PIGU: variants seen among roughly 807,000 people sequenced by gnomAD.
The protein encoded by PIGU is GPI-anchor transamidase component PIGU.
PIGU carries 24 observed loss-of-function variants against 49.9 expected under a neutral mutation model. The ratio of observed to expected loss-of-function variants is 0.48; its 90% CI spans 0.35 to 0.68. PIGU has a LOEUF of 0.68. Ranked by LOEUF, PIGU falls within the 30% of genes least tolerant of loss-of-function variation. PIGU has a pLI of 0.01. For synonymous variants in PIGU, 220 were observed against 205.7 expected, an observed-to-expected ratio of 1.07 and a Z score of -0.59; for missense variants, 490 against 532.6, an observed-to-expected ratio of 0.92 and a Z score of 0.79.
intron 6 of PIGU, among the ~76,000 whole-genome samples, chr20:34,627,498 T>C (rs887118766): frequency 2.6e-5 from 4 of 152,140 alleles, no homozygotes; most frequent in African/African-American, 9.6e-5. Context: ...GTGAAAGAGA[T>C]ACATATAACT....
intron 6 of PIGU, among the ~76,000 whole-genome samples, chr20:34,620,299 G>A (rs1313637047): frequency 6.6e-6 from 1 of 152,136 alleles, no homozygotes; most frequent in African/African-American, 2.4e-5. Flanking sequence ...AAAACATCAT[G>A]CTGTTTCATT....
chr20:34,605,893 T>C (rs963094481), intron 7 of PIGU, among the ~76,000 whole-genome samples: 5 of 152,188 alleles, frequency 3.3e-5, no homozygotes, highest in Non-Finnish European at 5.9e-5. Context: ...TCCAAAACAC[T>C]TCTGCACACA....
rs1329632724 is a variant in PIGU, at chr20:34,567,584, G to A, written c.1195-6605C>T. Among the ~76,000 whole-genome samples, 8 of 56,808 alleles carry A rather than the reference G, an allele frequency of 1.4e-4. 1 individual carries two copies. Among genetic ancestry groups the A allele is most frequent in the African/African-American group, 5.2e-4 (8 of 15,474 alleles). 37.3% of individuals were successfully genotyped at this position (56,808 alleles called of 152,430 possible). On this transcript the variant is annotated intron_variant, in intron 11 of 11. Coordinates refer to ENST00000217446, the MANE Select transcript of PIGU (RefSeq NM_080476.5). ...TGCCAGGCTCACACCTCTTACCTCTGCTCTTCCCAGCAGTGAGGTTTTCAG... is the reference window on the plus strand; with the variant it reads ...TGCCAGGCTCACACCTCTTACCTCTACTCTTCCCAGCAGTGAGGTTTTCAG...
intron 7 of PIGU, among the ~76,000 whole-genome samples, chr20:34,590,370 A>G (rs1983904907): frequency 6.6e-6 from 1 of 151,746 alleles, no homozygotes; most frequent in Non-Finnish European, 1.5e-5. Flanking sequence ...CAGCCTGGCT[A>G]ACATAGCAAA....
intron 5 of PIGU, 152 bp downstream of exon 5, chr20:34,637,724 A>G (rs1448125856): frequency 6.2e-6 from 9 of 1,444,986 alleles, no homozygotes; most frequent in Non-Finnish European, 8.2e-6. Context: ...GCTGGCCAGA[A>G]CAACAGAGCC....
chr20:34,670,194 T>TTTTC (rs1288186660), intron 1 of PIGU, among the ~76,000 whole-genome samples: 5 of 52,480 alleles, frequency 9.5e-5, no homozygotes, highest in African/African-American at 2.6e-4. Context: ...AATAACGGCT[T>TTTTC]TTTTTTTTTT....
intron 4 of PIGU, among the ~76,000 whole-genome samples, chr20:34,638,679 G>C (rs1986046850): frequency 6.6e-6 from 1 of 152,144 alleles, no homozygotes; most frequent in Non-Finnish European, 1.5e-5. Flanking sequence ...CTTCCACAGA[G>C]GAGGCGTAGA....
intron 2 of PIGU, among the ~76,000 whole-genome samples, chr20:34,656,088 C>T (rs1183056971): frequency 9.1e-6 from 1 of 110,248 alleles, no homozygotes; most frequent in African/African-American, 3.4e-5. Flanking sequence ...ATTGTCCTGC[C>T]TCAGCCTCCC....
At chr20:34,616,663 A>G (rs868332944) in intron 6 of PIGU, among the ~76,000 whole-genome samples, 2 of 152,180 alleles carry the variant, frequency 1.3e-5, no homozygotes, top group South Asian at 4.1e-4. Context: ...CTCACTTCCT[A>G]TATAAAATGG....
At chr20:34,582,631 A>G (rs1291770121) in intron 9 of PIGU, among the ~76,000 whole-genome samples, 1 of 152,016 alleles carries the variant, frequency 6.6e-6, no homozygotes, top group Non-Finnish European at 1.5e-5. Flanking sequence ...GTGAGCCATG[A>G]TCAACCACTG....
intron 7 of PIGU, among the ~76,000 whole-genome samples, chr20:34,603,449 A>G (rs984142273): frequency 5.9e-5 from 9 of 152,236 alleles, no homozygotes; most frequent in African/African-American, 1.9e-4. Flanking sequence ...CCAGTTTTCA[A>G]TACAATGAAC....
chr20:34,653,082 C>T (rs1045520627), intron 2 of PIGU, among the ~76,000 whole-genome samples: 2 of 151,776 alleles, frequency 1.3e-5, no homozygotes, highest in Admixed American at 6.6e-5. Context: ...AAGCCATTCT[C>T]CTGCCTCAGC....
At chr20:34,656,710 G>A (rs191525928) in intron 2 of PIGU, among the ~76,000 whole-genome samples, 184 of 146,900 alleles carry the variant, frequency 1.3e-3, no homozygotes, top group African/African-American at 4.5e-3. Flanking sequence ...AGGCTGCAGT[G>A]AACCGTGATT....
chr20:34,645,901 A>AAAAT (rs973418018), intron 2 of PIGU, among the ~76,000 whole-genome samples: 3 of 152,102 alleles, frequency 2.0e-5, no homozygotes, highest in Admixed American at 6.6e-5. Flanking sequence ...TGTCTCAAAA[A>AAAAT]AAATAAATAA....
intron 2 of PIGU, among the ~76,000 whole-genome samples, chr20:34,646,415 T>C (rs775359826): frequency 2.0e-5 from 3 of 152,194 alleles, no homozygotes; most frequent in Admixed American, 6.5e-5. Flanking sequence ...TTTTGATACG[T>C]TGGATTTTTT....
At chr20:34,650,486 G>C (rs962106362) in intron 2 of PIGU, among the ~76,000 whole-genome samples, 4 of 151,700 alleles carry the variant, frequency 2.6e-5, no homozygotes, top group African/African-American at 9.7e-5. Context: ...GGCCAGGCTG[G>C]TTGAATTCCT....
At chr20:34,580,413 AC>A (rs987858811) in intron 10 of PIGU, among the ~76,000 whole-genome samples, 1 of 151,916 alleles carries the variant, frequency 6.6e-6, no homozygotes, top group African/African-American at 2.4e-5. Flanking sequence ...AGCTGCCCAC[AC>A]CACTGTTTAC....
intron 6 of PIGU, among the ~76,000 whole-genome samples, chr20:34,624,800 A>G (rs1186098612): frequency 6.6e-6 from 1 of 152,202 alleles, no homozygotes; most frequent in Non-Finnish European, 1.5e-5. Flanking sequence ...CCAACACTAC[A>G]ATAAGGACAT....
chr20:34,669,917 G>T (rs1020207674), intron 1 of PIGU, among the ~76,000 whole-genome samples: 3 of 151,908 alleles, frequency 2.0e-5, no homozygotes, highest in Non-Finnish European at 4.4e-5. Context: ...TTTCTTAGGG[G>T]CAAGACTAAG....
Sources: gnomAD v4.1 joint callset for allele counts (sites outside exome capture counted in the v4.1 genomes callset) on GRCh38, gnomAD v4.1.1 for gene constraint, MANE v1.5 for transcripts, NCBI Gene and HGNC (gene_info 2026-07-23, HGNC 2026-07-21) for gene names.